Variants in USP35 observed in about 807,000 individuals in gnomAD.
USP35 encodes the protein ubiquitin specific peptidase 35, also known as ubiquitin carboxyl-terminal hydrolase 35.
In USP35, 69 loss-of-function variants were observed where a neutral mutation model predicts 83.8. The observed-to-expected ratio is 0.82, with a 90% CI of 0.68 to 1.01. USP35 has a LOEUF of 1.01. USP35 is among the 50% of genes least tolerant of loss of function. The pLI is 0.00. For missense variants in USP35, 1,503 were observed against 1,362.5 expected (o/e 1.10, Z -1.62); for synonymous variants, 714 against 589.5 (o/e 1.21, Z -3.06).
chr11:78,202,165 A>T (rs1383170439), intron 6 of USP35, among the ~76,000 whole-genome samples: 1 of 152,346 alleles, frequency 6.6e-6, no homozygotes, highest in South Asian at 2.1e-4. Flanking sequence ...GGCCAATCTC[A>T]GTCACAAAGG....
chr11:78,203,494 G>A (rs1231199872), intron 6 of USP35, among the ~76,000 whole-genome samples: 1 of 152,166 alleles, frequency 6.6e-6, no homozygotes, highest in Non-Finnish European at 1.5e-5. Context: ...CCTGACATGA[G>A]CTCTGAGTTT....
intron 6 of USP35, among the ~76,000 whole-genome samples, chr11:78,202,273 T>A (rs1565398008): frequency 6.6e-6 from 1 of 152,176 alleles, no homozygotes; most frequent in Non-Finnish European, 1.5e-5. Flanking sequence ...CCAAGAAAGG[T>A]TGTACCATTA....
chr11:78,203,582 C>CTT (rs1863427248), intron 6 of USP35, among the ~76,000 whole-genome samples: 1 of 148,456 alleles, frequency 6.7e-6, no homozygotes, highest in African/African-American at 2.6e-5. Context: ...TTTAATATTA[C>CTT]ATTTTTTTTT....
chr11:78,203,910 A>C, intron 6 of USP35, among the ~76,000 whole-genome samples: 1 of 77,938 alleles, frequency 1.3e-5, no homozygotes, highest in Non-Finnish European at 2.3e-5. Flanking sequence ...TTTTTTTTTG[A>C]GACGGAGTCT....
the USP35 span, among the ~76,000 whole-genome samples, chr11:78,233,328 TCTGGC>T: frequency 1.3e-5 from 2 of 152,220 alleles, no homozygotes; most frequent in Non-Finnish European, 2.9e-5. Context: ...AGCCACTGCG[TCTGGC>T]CTGTTAGCCA....
At chr11:78,227,240 C>A in the USP35 span, among the ~76,000 whole-genome samples, 3 of 152,154 alleles carry the variant, frequency 2.0e-5, no homozygotes, top group African/African-American at 7.2e-5. Context: ...CATCCGTCCC[C>A]CATCTCCAAA....
the USP35 span, among the ~76,000 whole-genome samples, chr11:78,231,336 G>GTGTGTGTGTGTGTGTGTGT: frequency 1.4e-5 from 2 of 145,796 alleles, no homozygotes; most frequent in African/African-American, 5.2e-5. Context: ...GCGCGTGTGT[G>GTGTGTGTGTGTGTGTGTGT]GTGTGTGTGT....
At chr11:78,198,785 C>G in intron 3 of USP35, 1 of 803,900 alleles carries the variant, frequency 1.2e-6, no homozygotes, top group Non-Finnish European at 1.5e-6. Context: ...ACAAGTTACT[C>G]AACCTCTCTG....
chr11:78,210,221 A>G lies in USP35; in HGVS notation c.2366A>G (p.Gln789Arg). 1 of 1,613,800 alleles carries G rather than the reference A, an allele frequency of 6.2e-7. No homozygotes were observed. The highest frequency in any genetic ancestry group is 8.5e-7 in the Non-Finnish European group (1 of 1,179,988). Residue 789 changes from glutamine (Q) to arginine (R), a missense_variant, in exon 10 of 11, where the codon CAG becomes CGG. By Grantham distance (43) the Gln-to-Arg change is conservative. Transcript: ENST00000529308. Reference protein sequence around the residue: ...RYYCESCASLQDAEKVVELSQ... With the variant: ...RYYCESCASLRDAEKVVELSQ... ...TACTGCGAGTCGTGTGCCTCCCTGC[A>G]GGATGCCGAGAAGGTGGTGGAGCTG...
intron 6 of USP35, among the ~76,000 whole-genome samples, chr11:78,205,040 T>TCGC (rs1211091390): frequency 1.3e-5 from 2 of 152,240 alleles, no homozygotes; most frequent in Non-Finnish European, 2.9e-5. Flanking sequence ...GTTGCTGAAC[T>TCGC]CTAAGTAGCG....
Position 78,209,765 on chromosome 11 carries a change from G to A in USP35, c.1910G>A (p.Arg637Lys), listed in dbSNP as rs1863671068. 6.2e-7 allele frequency: 1 copy of A among 1,613,900 alleles called. No individual in the cohort carries two copies. The highest frequency in any genetic ancestry group is 8.5e-7 in the Non-Finnish European group (1 of 1,179,970). The change falls in exon 10 of 11, where the codon AGG (arginine) becomes AAG (lysine). Residue 637 changes from arginine (R) to lysine (K), a missense_variant. Physicochemically the swap from Arg to Lys is conservative, Grantham distance 26. Coordinates refer to ENST00000529308, the MANE Select transcript of USP35 (RefSeq NM_020798.4). Reference protein sequence around the residue: ...PPPTSAQGPGRVGPRRQRKHC... With the variant: ...PPPTSAQGPGKVGPRRQRKHC... ...CCAACCAGTGCACAGGGGCCAGGCA[G>A]GGTGGGTCCTCGGAGGCAAAGGAAA...
In USP35 at chr11:78,213,896, G is replaced by GCTTCCCTCC; in HGVS notation, c.*83_*84insCTTCCCTCC. On this transcript the variant is annotated 3_prime_UTR_variant, in exon 11 of 11. Transcript: ENST00000529308. ...AAGCTGTGGAGGCAGGCCCTACCAA[G>GCTTCCCTCC]AGGAAGGATGGTACAGCTCATGGCA... is the stretch of plus-strand genomic sequence containing the variant. 3 of 1,475,232 alleles carry GCTTCCCTCC rather than the reference G, an allele frequency of 2.0e-6. No individual in the cohort carries two copies. The highest frequency in any genetic ancestry group is 2.7e-6 in the Non-Finnish European group (3 of 1,112,504). The allele number at this position is 1,475,232 out of a possible 1,614,324, so 91.4% of individuals were successfully genotyped here.
the USP35 span, chr11:78,222,044 C>T: frequency 9.4e-7 from 1 of 1,065,778 alleles, no homozygotes; most frequent in Non-Finnish European, 1.5e-6. Context: ...CCAGCTACCA[C>T]ATCACTCATT....
Position 78,196,834 on chromosome 11 carries a change from G to C in USP35, c.589G>C (p.Gly197Arg). 6.5e-7 allele frequency: 1 copy of C among 1,530,640 alleles called. No homozygotes were observed. The highest frequency in any genetic ancestry group is 8.7e-7 in the Non-Finnish European group (1 of 1,143,554). The allele number at this position is 1,530,640 out of a possible 1,614,324, so 94.8% of individuals were successfully genotyped here. The change falls in exon 2 of 11, where the codon GGG (glycine) becomes CGG (arginine). Residue 197 changes from glycine (G) to arginine (R), a missense_variant. Coordinates refer to ENST00000529308, the MANE Select transcript of USP35 (RefSeq NM_020798.4). This position sits in a 1 kb window ranked among gnomAD's most constrained non-coding sequence, Gnocchi z 4.8. ...CCTAGAGCAGGCCCAGCAGGTGAGC[G>C]GGCTCCTGGCGCAGCTGTGGCGCGC... ...EFLEQAQQVS[G>R]LLAQLWRAQP...
intron 1 of USP35, among the ~76,000 whole-genome samples, 161 bp downstream of exon 1, chr11:78,189,318 CCT>C (rs1339074166): frequency 6.6e-6 from 1 of 152,184 alleles, no homozygotes; most frequent in Non-Finnish European, 1.5e-5. Context: ...AGTAGCTATT[CCT>C]CTCTGGGCAT....
chr11:78,230,715 A>C, the USP35 span, among the ~76,000 whole-genome samples: 1 of 152,252 alleles, frequency 6.6e-6, no homozygotes, highest in Non-Finnish European at 1.5e-5. Flanking sequence ...AGAGGAGTTG[A>C]ACAAGGGACT....
chr11:78,209,517 G>A lies in USP35; in HGVS notation c.1662G>A (p.Pro554=), dbSNP rs2510045. Residue 554 remains proline, a synonymous_variant, in exon 10 of 11, where the codon CCG becomes CCA. Coordinates refer to ENST00000529308, the MANE Select transcript of USP35 (RefSeq NM_020798.4). ...QKLKQSSSPS[P]PEEPPAPSST... is the part of the protein sequence containing the mutation. ...TCAAGCAGTCCAGCTCGCCCTCTCC[G>A]CCCGAGGAGCCCCCGGCCCCAAGTT... is the stretch of plus-strand genomic sequence containing the variant. 12 of 1,613,772 alleles carry A rather than the reference G, an allele frequency of 7.4e-6. No individual in the cohort carries two copies. The highest frequency in any genetic ancestry group is 1.3e-5 in the African/African-American group (1 of 74,858).
downstream of USP35, among the ~76,000 whole-genome samples, chr11:78,219,800 C>T (rs918958229): frequency 3.3e-5 from 5 of 152,184 alleles, no homozygotes; most frequent in African/African-American, 4.8e-5. Flanking sequence ...CAGGACTTTA[C>T]GTGCTGTGCT....
chr11:78,193,785 A>C (rs1292437088), intron 1 of USP35, among the ~76,000 whole-genome samples: 1 of 152,138 alleles, frequency 6.6e-6, no homozygotes, highest in Non-Finnish European at 1.5e-5. Context: ...CGAACACATC[A>C]TTTCCCTCAT....
Sources: allele counts gnomAD v4.1 joint callset (sites outside exome capture counted in the v4.1 genomes callset), GRCh38; gene constraint gnomAD v4.1.1; non-coding constraint Gnocchi (gnomAD v3.1); transcripts MANE v1.5; gene names NCBI Gene and HGNC (gene_info 2026-07-23, HGNC 2026-07-21).